Variants in ST6GAL2 observed in about 807,000 individuals in gnomAD.
The protein encoded by ST6GAL2 is beta-galactoside alpha-2,6-sialyltransferase 2.
In ST6GAL2, 24 loss-of-function variants were observed where a neutral mutation model predicts 37.5. The observed-to-expected ratio is 0.64, with a 90% CI of 0.46 to 0.90. The LOEUF (loss-of-function observed/expected upper bound fraction) is 0.90. Ranked by LOEUF, ST6GAL2 falls within the 40% of genes least tolerant of loss-of-function variation. The pLI is 0.00. For synonymous variants in ST6GAL2, 306 were observed against 295.1 expected (o/e 1.04, Z -0.38); for missense variants, 715 against 712.7 (o/e 1.00, Z -0.04).
rs1318106762 is a variant in ST6GAL2, at chr2:106,806,607, T to A, written c.*71A>T. On this transcript the variant is annotated 3_prime_UTR_variant, in exon 6 of 6. Transcript: ENST00000409382. Reference sequence around the variant, plus strand: ...AAACTACACTGTCTAAAATCTATCTTCAAGTATTCTTTTGTGACTTTGAGT... The same window carrying A: ...AAACTACACTGTCTAAAATCTATCTACAAGTATTCTTTTGTGACTTTGAGT... 17 of 1,516,038 alleles carry A rather than the reference T, an allele frequency of 1.1e-5. No homozygotes were observed. In the East Asian group the frequency reaches 3.8e-4, roughly 34 times the overall value. The allele number at this position is 1,516,038 out of a possible 1,614,324, so 93.9% of individuals were successfully genotyped here.
At chr2:106,822,564 A>G (rs1287282422) in intron 5 of ST6GAL2, among the ~76,000 whole-genome samples, 7 of 152,170 alleles carry the variant, frequency 4.6e-5, no homozygotes, top group Non-Finnish European at 1.0e-4. Flanking sequence ...TCAAATGTCC[A>G]TACTACTCAA....
chr2:106,883,943 T>G (rs1470125342), intron 1 of ST6GAL2, among the ~76,000 whole-genome samples: 3 of 152,224 alleles, frequency 2.0e-5, no homozygotes, highest in African/African-American at 7.2e-5. Context: ...TATCATTTAT[T>G]TACCTAAGAA....
rs950901191 is a variant in ST6GAL2 at position 106,805,329 on chromosome 2, G to A, written c.*1349C>T. ...TTGAAATAATAGCATGTTTAATTAA[G>A]GTATTACAGAATGTTTCTGTTTCAC... On this transcript the variant is annotated 3_prime_UTR_variant, in exon 6 of 6. Coordinates refer to ENST00000409382, the MANE Select transcript of ST6GAL2 (RefSeq NM_001142351.2). 2.3e-4 allele frequency: 35 copies of A among 152,148 alleles called. No individual in the cohort carries two copies. The highest frequency in any genetic ancestry group is 8.0e-4 in the African/African-American group (33 of 41,434). The allele number at this position is 152,148 out of a possible 1,614,324, so 9.4% of individuals were successfully genotyped here.
intron 1 of ST6GAL2, among the ~76,000 whole-genome samples, chr2:106,861,734 G>A (rs760013365): frequency 1.3e-5 from 2 of 151,526 alleles, no homozygotes; most frequent in Admixed American, 1.3e-4. Flanking sequence ...AGGTTCAAGC[G>A]ATTCTCCCAC....
At chr2:106,820,821 G>A (rs1011237029) in intron 5 of ST6GAL2, among the ~76,000 whole-genome samples, 11 of 151,664 alleles carry the variant, frequency 7.3e-5, no homozygotes, top group Non-Finnish European at 1.3e-4. Flanking sequence ...ATTAACAAGA[G>A]GAATTTTGGA....
intron 1 of ST6GAL2, among the ~76,000 whole-genome samples, chr2:106,870,186 A>AGAGAGAGTCCTGGAATT (rs1409208642): frequency 2.0e-5 from 3 of 152,194 alleles, no homozygotes; most frequent in African/African-American, 7.2e-5. Context: ...TTCATTGGCC[A>AGAGAGAGTCCTGGAATT]GAGAGAGTCC....
At chr2:106,842,971 G>C in intron 2 of ST6GAL2, 64 bp downstream of exon 2, 1 of 1,234,492 alleles carries the variant, frequency 8.1e-7, no homozygotes, top group Non-Finnish European at 1.0e-6. Flanking sequence ...CGCTCAGAAA[G>C]AACCGGCCCC....
Position 106,834,185 on chromosome 2 carries a change from G to A in ST6GAL2, c.944-39C>T, listed in dbSNP as rs556102138. 3.9e-5 allele frequency: 56 copies of A among 1,449,536 alleles called. 1 individual carries two copies. In the South Asian group the frequency reaches 6.4e-4, roughly 17 times the overall value. The allele number at this position is 1,449,536 out of a possible 1,614,324, so 89.8% of individuals were successfully genotyped here. On this transcript the variant is annotated intron_variant, in intron 2 of 5. Transcript: ENST00000409382. ...AGTGACAAGCTTACTTTTGTTCTCT[G>A]TAGAATCACATAATCTAGGAAAAAA...
In ST6GAL2 at chr2:106,834,132, C is replaced by A; in HGVS notation, c.958G>T (p.Val320Phe). ...LGEEIDSHDAVLRFNSAPTRG... is the reference protein window; with the variant it reads ...LGEEIDSHDAFLRFNSAPTRG... Reference sequence around the variant, plus strand: ...GTAGGAGCAGAGTTAAATCTCAAAACCGCATCATGAGAATCTAAGGGCACA... The same window carrying A: ...GTAGGAGCAGAGTTAAATCTCAAAAACGCATCATGAGAATCTAAGGGCACA... Residue 320 changes from valine to phenylalanine, a missense_variant, in exon 3 of 6, where the codon GTT becomes TTT. Physicochemically the swap from Val to Phe is conservative, Grantham distance 50. Transcript: ENST00000409382. The A allele has an allele frequency of 6.2e-7, 1 of 1,613,380 alleles. No individual in the cohort carries two copies. Among genetic ancestry groups the A allele is most frequent in the Non-Finnish European group, 8.5e-7 (1 of 1,179,466 alleles).
rs562990077 is a variant in ST6GAL2 at position 106,840,913 on chromosome 2, T to C, written c.943+2122A>G. On this transcript the variant is annotated intron_variant, in intron 2 of 5. Coordinates refer to ENST00000409382, the MANE Select transcript of ST6GAL2 (RefSeq NM_001142351.2). ...CTTCAAGCATAATACTTAAATTCCT[T>C]CTCCACATTATTAATATTGGCTCTC... Among the ~76,000 whole-genome samples the C allele has an allele frequency of 2.0e-5, 3 of 152,300 alleles. No homozygotes were observed. The South Asian group carries it at 6.2e-4, about 32-fold the overall frequency.
chr2:106,846,041 G>A (rs555787099), intron 1 of ST6GAL2, among the ~76,000 whole-genome samples: 2 of 151,272 alleles, frequency 1.3e-5, no homozygotes, highest in African/African-American at 4.9e-5. Flanking sequence ...TGTTCCAGCC[G>A]TCCCAGCCAT....
At chr2:106,829,354 G>C (rs895080762) in intron 5 of ST6GAL2, among the ~76,000 whole-genome samples, 3 of 152,194 alleles carry the variant, frequency 2.0e-5, no homozygotes, top group Non-Finnish European at 2.9e-5. Flanking sequence ...TTGATTTTCT[G>C]TGTTTTCAGA....
chr2:106,813,260 A>C (rs1326318223), intron 5 of ST6GAL2: 1 of 1,287,806 alleles, frequency 7.8e-7, no homozygotes, highest in Non-Finnish European at 9.9e-7. Flanking sequence ...AATAAGTATT[A>C]GTATTTTCTA....
chr2:106,878,673 C>G (rs1040042883), intron 1 of ST6GAL2, among the ~76,000 whole-genome samples: 2 of 152,042 alleles, frequency 1.3e-5, no homozygotes, highest in African/African-American at 4.8e-5. Flanking sequence ...TATAAGTAAC[C>G]TAGAAACAAT....
At chr2:106,841,860 GA>G (rs1676899048) in intron 2 of ST6GAL2, among the ~76,000 whole-genome samples, 1 of 152,234 alleles carries the variant, frequency 6.6e-6, no homozygotes, top group Non-Finnish European at 1.5e-5. Flanking sequence ...TATTTTACTT[GA>G]AAACTAGGAA....
intron 5 of ST6GAL2, among the ~76,000 whole-genome samples, chr2:106,808,404 C>A (rs1041360519): frequency 2.0e-5 from 3 of 152,166 alleles, no homozygotes; most frequent in Non-Finnish European, 2.9e-5. Context: ...CTAACAAAGA[C>A]AAGGGGATTA....
chr2:106,874,683 A>T (rs1006403186), intron 1 of ST6GAL2, among the ~76,000 whole-genome samples: 5 of 152,172 alleles, frequency 3.3e-5, no homozygotes, highest in Non-Finnish European at 7.3e-5. Flanking sequence ...TTTTTCTTAA[A>T]GAGTATGATA....
chr2:106,815,028 T>C (rs17033314), intron 5 of ST6GAL2, among the ~76,000 whole-genome samples: 32,956 of 152,102 alleles, frequency 0.22, 4,123 homozygotes, highest in East Asian at 0.49. Flanking sequence ...TCATGTTACA[T>C]CTTTTTAGTT....
At chr2:106,864,726 A>G (rs1677951206) in intron 1 of ST6GAL2, among the ~76,000 whole-genome samples, 1 of 152,238 alleles carries the variant, frequency 6.6e-6, no homozygotes, top group South Asian at 2.1e-4. Context: ...CTCCACAGGA[A>G]AGGCAATTAA....
Sources: allele counts gnomAD v4.1 joint callset (sites outside exome capture counted in the v4.1 genomes callset), GRCh38; gene constraint gnomAD v4.1.1; transcripts MANE v1.5; gene names NCBI Gene and HGNC (gene_info 2026-07-23, HGNC 2026-07-21).